Variants in CACNA2D3 observed in about 807,000 individuals in gnomAD.
CACNA2D3 encodes the protein voltage-dependent calcium channel subunit alpha-2/delta-3.
CACNA2D3 carries 60 observed loss-of-function variants against 160.6 expected under a neutral mutation model. That is an observed-to-expected ratio of 0.37 (90% CI 0.30 to 0.46). The LOEUF (loss-of-function observed/expected upper bound fraction) is 0.46. Ranked by LOEUF, CACNA2D3 falls within the 20% of genes least tolerant of loss-of-function variation. The pLI is 1.00. For missense variants in CACNA2D3, 1,205 were observed against 1,365.0 expected, an observed-to-expected ratio of 0.88 and a Z score of 1.85; for synonymous variants, 558 against 492.9, an observed-to-expected ratio of 1.13 and a Z score of -1.75.
intron 11 of CACNA2D3, among the ~76,000 whole-genome samples, chr3:54,704,640 G>A (rs980162281): frequency 2.0e-5 from 3 of 152,070 alleles, no homozygotes; most frequent in East Asian, 3.9e-4. Context: ...ACAGCTGTAC[G>A]GGGGTGGAAT....
At chr3:54,520,759 C>T (rs1377107980) in intron 5 of CACNA2D3, among the ~76,000 whole-genome samples, 1 of 152,150 alleles carries the variant, frequency 6.6e-6, no homozygotes, top group South Asian at 2.1e-4. Context: ...CTTTGGCTAT[C>T]GTTCCCTTGT....
intron 13 of CACNA2D3, among the ~76,000 whole-genome samples, chr3:54,808,463 A>G (rs1703193085): frequency 6.6e-6 from 1 of 152,146 alleles, no homozygotes; most frequent in Admixed American, 6.5e-5. Context: ...GAGGAAAGCT[A>G]GCAGGGGAAA....
chr3:54,176,349 G>T (rs954760221), intron 2 of CACNA2D3, among the ~76,000 whole-genome samples: 7 of 152,234 alleles, frequency 4.6e-5, no homozygotes, highest in African/African-American at 1.7e-4. Flanking sequence ...CCACAGCCAT[G>T]AATGCCTTGA....
intron 9 of CACNA2D3, among the ~76,000 whole-genome samples, chr3:54,609,773 C>G (rs1262859656): frequency 6.6e-6 from 1 of 152,182 alleles, no homozygotes; most frequent in Middle Eastern, 3.2e-3. Flanking sequence ...TATTTTATGG[C>G]ATTTCCAAAG....
chr3:54,401,155 C>T (rs1182733066), intron 4 of CACNA2D3, among the ~76,000 whole-genome samples: 1 of 151,750 alleles, frequency 6.6e-6, no homozygotes. Flanking sequence ...GAAAGAAACT[C>T]TGAACTTGAT....
chr3:54,970,525 C>G (rs1702250989), intron 29 of CACNA2D3, among the ~76,000 whole-genome samples: 1 of 60,240 alleles, frequency 1.7e-5, no homozygotes, highest in East Asian at 4.7e-4. Flanking sequence ...CCCCTCCTCT[C>G]CTATCCTTTC....
chr3:54,629,605 C>T (rs183895599), intron 10 of CACNA2D3, among the ~76,000 whole-genome samples: 1 of 152,220 alleles, frequency 6.6e-6, no homozygotes, highest in South Asian at 2.1e-4. Flanking sequence ...TGTAAGAGTC[C>T]GTGTTTTGGA....
intron 4 of CACNA2D3, among the ~76,000 whole-genome samples, chr3:54,464,150 A>T (rs1700564819): frequency 6.6e-6 from 1 of 152,042 alleles, no homozygotes; most frequent in Admixed American, 6.6e-5. Context: ...TCAGAGGAGT[A>T]CCCAGCCGTG....
chr3:54,955,733 G>T (rs570296322), intron 27 of CACNA2D3, among the ~76,000 whole-genome samples: 1 of 152,254 alleles, frequency 6.6e-6, no homozygotes, highest in South Asian at 2.1e-4. Context: ...TACCGAGGGG[G>T]CTTTTTTGGG....
At chr3:54,924,786 T>C (rs1404107289) in intron 27 of CACNA2D3, 2 of 1,613,984 alleles carry the variant, frequency 1.2e-6, no homozygotes, top group African/African-American at 2.7e-5. Context: ...AGTTAGGTTC[T>C]CCCAAGTCTC....
intron 11 of CACNA2D3, among the ~76,000 whole-genome samples, chr3:54,665,024 C>T (rs1700038008): frequency 1.3e-5 from 2 of 152,172 alleles, no homozygotes; most frequent in African/African-American, 4.8e-5. Context: ...AAATAATATA[C>T]CTGCAGCTGT....
At chr3:54,575,543 G>A (rs1415434382) in intron 8 of CACNA2D3, among the ~76,000 whole-genome samples, 1 of 152,038 alleles carries the variant, frequency 6.6e-6, no homozygotes, top group Non-Finnish European at 1.5e-5. Flanking sequence ...TTAAGCATTG[G>A]GGCTAACTTA....
intron 25 of CACNA2D3, chr3:54,894,712 T>C: frequency 2.1e-6 from 1 of 477,716 alleles, no homozygotes; most frequent in South Asian, 1.5e-5. Context: ...CAACAGAGGC[T>C]CCTCCTCACA....
chr3:54,721,710 G>A (rs1303338875), intron 11 of CACNA2D3, among the ~76,000 whole-genome samples: 7 of 145,108 alleles, frequency 4.8e-5, no homozygotes, highest in East Asian at 4.0e-4. Flanking sequence ...GCAGTGAGCC[G>A]AGATTGCACC....
intron 11 of CACNA2D3, among the ~76,000 whole-genome samples, chr3:54,751,681 A>G (rs1458197575): frequency 6.6e-6 from 1 of 152,122 alleles, no homozygotes; most frequent in Non-Finnish European, 1.5e-5. Flanking sequence ...ATCAGACTAG[A>G]GGAGCTGGAA....
At chr3:54,564,274 A>G (rs9810230) in intron 6 of CACNA2D3, among the ~76,000 whole-genome samples, 36,603 of 152,154 alleles carry the variant, frequency 0.24, 4,788 homozygotes, top group Middle Eastern at 0.39. Flanking sequence ...ATTTGAAAAT[A>G]AAGGGAATCC....
At chr3:54,315,814 G>T (rs1461744612) in intron 2 of CACNA2D3, among the ~76,000 whole-genome samples, 1 of 152,190 alleles carries the variant, frequency 6.6e-6, no homozygotes, top group Non-Finnish European at 1.5e-5. Context: ...GACTTCCTTA[G>T]ACTCTGGTAA....
chr3:54,809,086 ATTG>A (rs1440288026), intron 13 of CACNA2D3, among the ~76,000 whole-genome samples: 1 of 152,014 alleles, frequency 6.6e-6, no homozygotes, highest in African/African-American at 2.4e-5. Flanking sequence ...GAGACGCTAT[ATTG>A]TTGTCCAGGT....
At chr3:54,541,011 C>G (rs150377909) in intron 5 of CACNA2D3, among the ~76,000 whole-genome samples, 1 of 152,124 alleles carries the variant, frequency 6.6e-6, no homozygotes, top group Non-Finnish European at 1.5e-5. Context: ...AGCGTGGTGG[C>G]TCACGCCTGT....
Sources: allele counts gnomAD v4.1 joint callset (sites outside exome capture counted in the v4.1 genomes callset), GRCh38; gene constraint gnomAD v4.1.1; transcripts MANE v1.5; gene names NCBI Gene and HGNC (gene_info 2026-07-23, HGNC 2026-07-21).